The following CLTCL1 variants were observed in gnomAD, a reference collection of about 807,000 sequenced individuals.
CLTCL1 encodes the protein clathrin heavy chain like 1, also known as clathrin heavy chain 2.
Under a neutral mutation model 190.0 loss-of-function variants are expected in CLTCL1, and 159 were observed. That is an observed-to-expected ratio of 0.84 (90% CI 0.74 to 0.95). CLTCL1 has a LOEUF of 0.95. CLTCL1 is among the 40% of genes least tolerant of loss of function. CLTCL1 has a pLI of 0.00. For synonymous variants in CLTCL1, 752 were observed against 769.6 expected, an observed-to-expected ratio of 0.98 and a Z score of 0.38; for missense variants, 1,878 against 2,033.4, an observed-to-expected ratio of 0.92 and a Z score of 1.47.
At chr22:19,208,112 A>T in intron 22 of CLTCL1, 42 bp downstream of exon 22, 1 of 1,612,818 alleles carries the variant, frequency 6.2e-7, no homozygotes, top group Non-Finnish European at 8.5e-7. Flanking sequence ...CCTGGACCTA[A>T]ATCTGACTGG....
At chr22:19,287,876 CT>C (rs1601753357) in intron 1 of CLTCL1, among the ~76,000 whole-genome samples, 1 of 152,190 alleles carries the variant, frequency 6.6e-6, no homozygotes, top group Non-Finnish European at 1.5e-5. Flanking sequence ...CAGTAGGCAG[CT>C]GTCACAATGG....
At chr22:19,227,603 C>T (rs896835233) in intron 11 of CLTCL1, among the ~76,000 whole-genome samples, 20 of 152,040 alleles carry the variant, frequency 1.3e-4, no homozygotes, top group Admixed American at 7.2e-4. Flanking sequence ...TACAGGCATG[C>T]GCCACCACAC....
chr22:19,207,658 C>T lies in CLTCL1; in HGVS notation c.3600+496G>A, dbSNP rs550204712. ...TAGCAGCAAGTGAGCAGCAGGCAAG[C>T]GAGTGAAGCTTCATCTGTATTTACA... is the stretch of plus-strand genomic sequence containing the variant. On this transcript the variant is annotated intron_variant, in intron 22 of 32. Coordinates refer to ENST00000427926, the MANE Select transcript of CLTCL1 (RefSeq NM_007098.4). The T allele has an allele frequency of 1.5e-4, 64 of 438,018 alleles. No individual in the cohort carries two copies. The Middle Eastern group carries it at 2.9e-3, about 20-fold the overall frequency. The allele number at this position is 438,018 out of a possible 1,614,324, so 27.1% of individuals were successfully genotyped here.
intron 21 of CLTCL1, 87 bp downstream of exon 21, chr22:19,208,835 G>A (rs2085130181): frequency 9.0e-7 from 1 of 1,116,250 alleles, no homozygotes; most frequent in African/African-American, 1.6e-5. Context: ...CATACGTAGA[G>A]ATTTGTGAGA....
intron 7 of CLTCL1, 33 bp from the exon 8 acceptor site, chr22:19,233,655 T>G: frequency 6.3e-7 from 1 of 1,597,992 alleles, no homozygotes. Context: ...GTCATTGTGT[T>G]GTAATCACAG....
chr22:19,242,568 C>T (rs975240028), intron 4 of CLTCL1, among the ~76,000 whole-genome samples: 3 of 152,188 alleles, frequency 2.0e-5, no homozygotes, highest in Non-Finnish European at 4.4e-5. Context: ...TGTTGGATTA[C>T]AGGCGTGAGC....
At chr22:19,182,236 G>C (rs1213817092) in intron 30 of CLTCL1, 1 of 152,292 alleles carries the variant, frequency 6.6e-6, no homozygotes, top group African/African-American at 2.4e-5. Flanking sequence ...GCACGCACCA[G>C]ACACCGCACA....
At chr22:19,261,206 G>A (rs566058968) in intron 2 of CLTCL1, among the ~76,000 whole-genome samples, 2 of 151,842 alleles carry the variant, frequency 1.3e-5, no homozygotes, top group East Asian at 1.9e-4. Context: ...TCCGCCTCCC[G>A]GGTTCACGCC....
chr22:19,255,787 G>A (rs1273256439), intron 2 of CLTCL1, among the ~76,000 whole-genome samples: 1 of 151,180 alleles, frequency 6.6e-6, no homozygotes, highest in Non-Finnish European at 1.5e-5. Flanking sequence ...GCACACTCCT[G>A]TAATCCCAGC....
intron 3 of CLTCL1, among the ~76,000 whole-genome samples, chr22:19,253,559 T>C (rs1357966907): frequency 1.3e-5 from 2 of 152,240 alleles, no homozygotes; most frequent in African/African-American, 4.8e-5. Context: ...AAATAGTTTA[T>C]ACAATGAACA....
At chr22:19,221,755 C>G (rs990813584) in intron 16 of CLTCL1, 144 bp from the exon 17 acceptor site, 1 of 983,986 alleles carries the variant, frequency 1.0e-6, no homozygotes, top group Non-Finnish European at 1.5e-6. Context: ...CAAGATGGAC[C>G]TGGTTTCCAA....
At chr22:19,255,854 G>A (rs1425068398) in intron 2 of CLTCL1, among the ~76,000 whole-genome samples, 1 of 149,344 alleles carries the variant, frequency 6.7e-6, no homozygotes, top group African/African-American at 2.5e-5. Flanking sequence ...AGGTTGCAGT[G>A]AGCCAAAATT....
At chr22:19,261,400 G>A (rs1036975875) in intron 2 of CLTCL1, among the ~76,000 whole-genome samples, 8 of 152,148 alleles carry the variant, frequency 5.3e-5, no homozygotes, top group African/African-American at 7.2e-5. Flanking sequence ...GGAAGCCACC[G>A]TGCCCAGCCT....
rs193295093 is a variant in CLTCL1, at chr22:19,206,028, G to A, written c.3600+2126C>T. Among the ~76,000 whole-genome samples the A allele has an allele frequency of 2.1e-3, 316 of 151,724 alleles. 1 individual carries two copies. Among genetic ancestry groups the A allele is most frequent in the African/African-American group, 7.4e-3 (304 of 41,308 alleles). On this transcript the variant is annotated intron_variant, in intron 22 of 32. Transcript: ENST00000427926. ...TACAGTCTTGACTTCCCAGCCTCCA[G>A]TGAGTCTCCCACCTCAGCCTCCCAA...
intron 10 of CLTCL1, 52 bp downstream of exon 10, chr22:19,232,424 C>T: frequency 6.2e-7 from 1 of 1,610,730 alleles, no homozygotes; most frequent in Non-Finnish European, 8.5e-7. Flanking sequence ...AAGAAATCTT[C>T]TAGATGGCTC....
intron 2 of CLTCL1, among the ~76,000 whole-genome samples, chr22:19,274,730 CTTT>C (rs56410068): frequency 3.7e-5 from 5 of 135,818 alleles, no homozygotes; most frequent in Admixed American, 7.4e-5. Flanking sequence ...TTCTTTGTTT[CTTT>C]TTTTTTTTTT....
chr22:19,212,739 C>A (rs2085274299), intron 19 of CLTCL1, among the ~76,000 whole-genome samples: 1 of 152,110 alleles, frequency 6.6e-6, no homozygotes, highest in African/African-American at 2.4e-5. Context: ...GATGCAAGAG[C>A]AATTCCATGG....
chr22:19,182,009 G>A (rs1295811436), intron 30 of CLTCL1: 1 of 152,208 alleles, frequency 6.6e-6, no homozygotes, highest in Non-Finnish European at 1.5e-5. Context: ...CAAAGTCCTG[G>A]GGGATCCCCA....
intron 20 of CLTCL1, among the ~76,000 whole-genome samples, chr22:19,209,737 C>T (rs1420424962): frequency 6.6e-6 from 1 of 152,152 alleles, no homozygotes; most frequent in African/African-American, 2.4e-5. Context: ...GGTAGGACAG[C>T]AGTTCAGGTG....
Sources: allele counts gnomAD v4.1 joint callset (sites outside exome capture counted in the v4.1 genomes callset), GRCh38; gene constraint gnomAD v4.1.1; transcripts MANE v1.5; gene names NCBI Gene and HGNC (gene_info 2026-07-23, HGNC 2026-07-21).